The following PCDHGA5 variants were observed in gnomAD, a reference collection of about 807,000 sequenced individuals.
PCDHGA5 encodes protocadherin gamma subfamily A, 5, also known as protocadherin gamma-A5.
In PCDHGA5, 36 loss-of-function variants were observed where a neutral mutation model predicts 56.7. The ratio of observed to expected loss-of-function variants is 0.64; its 90% CI spans 0.49 to 0.84. The LOEUF is 0.84. Ranked by LOEUF, PCDHGA5 falls within the 40% of genes least tolerant of loss-of-function variation. PCDHGA5 has a pLI of 0.00. For synonymous variants in PCDHGA5, 563 were observed against 520.2 expected (o/e 1.08, Z -1.12); for missense variants, 1,305 against 1,201.5 (o/e 1.09, Z -1.27).
chr5:141,510,898 T>G (rs1393880610), intron 3 of PCDHGA5, 49 bp from the exon 4 acceptor site: 1 of 1,613,278 alleles, frequency 6.2e-7, no homozygotes, highest in East Asian at 2.2e-5. Context: ...ACAGTGACTG[T>G]TGAGGACCCT....
chr5:141,478,302 C>T lies in PCDHGA5; in HGVS notation c.2422-16505C>T. On this transcript the variant is annotated intron_variant, in intron 1 of 3. Transcript: ENST00000518069. ...AAGCAGTCTAGAGACCTATACCGAG[C>T]CCCGGTGAGCTCACTGTACCGAACA... 4 of 1,614,070 alleles carry T rather than the reference C, an allele frequency of 2.5e-6. No individual in the cohort carries two copies. Among genetic ancestry groups the T allele is most frequent in the Non-Finnish European group, 3.4e-6 (4 of 1,180,038 alleles).
At position 141,432,963 on chromosome 5, in the gene PCDHGA5, C is replaced by T. The variant is rs1382354299; in HGVS notation, c.2422-61844C>T. 1.5e-5 allele frequency: 24 copies of T among 1,614,046 alleles called. 1 individual carries two copies. In the South Asian group the frequency reaches 2.3e-4, roughly 16 times the overall value. On this transcript the variant is annotated intron_variant, in intron 1 of 3. Transcript: ENST00000518069. The surrounding 1 kb of genome is among the most constrained non-coding windows in gnomAD (Gnocchi z 6.0). ...GCTTCAGGAGGCGGCTTGACAGGAG[C>T]GCCGGCGTCGCACTTTGTGGGCGTG...
chr5:141,422,973 T>G (rs1157516415), intron 1 of PCDHGA5: 1 of 1,614,102 alleles, frequency 6.2e-7, no homozygotes, highest in Non-Finnish European at 8.5e-7. Flanking sequence ...CGCCCCGCTC[T>G]GCGGAACCTG....
At chr5:141,459,136 T>C (rs1044347522) in intron 1 of PCDHGA5, among the ~76,000 whole-genome samples, 2 of 152,224 alleles carry the variant, frequency 1.3e-5, no homozygotes, top group Non-Finnish European at 2.9e-5. Context: ...GTAACCACCA[T>C]GCAATCAAAA....
chr5:141,489,558 G>A lies in PCDHGA5; in HGVS notation c.2422-5249G>A. On this transcript the variant is annotated intron_variant, in intron 1 of 3. Coordinates refer to ENST00000518069, the MANE Select transcript of PCDHGA5 (RefSeq NM_018918.3). The surrounding 1 kb of genome is among the most constrained non-coding windows in gnomAD (Gnocchi z 4.5). ...CCAGCACCAGCTGCCTGCTGCCAGT[G>A]CAGGTGGTGACTGAACACCCCCTGG... 1 of 1,614,130 alleles carries A rather than the reference G, an allele frequency of 6.2e-7. No individual in the cohort carries two copies. Among genetic ancestry groups the A allele is most frequent in the Non-Finnish European group, 8.5e-7 (1 of 1,180,024 alleles).
intron 1 of PCDHGA5, chr5:141,370,690 A>C: frequency 1.2e-6 from 2 of 1,613,828 alleles, no homozygotes; most frequent in African/African-American, 2.7e-5. Flanking sequence ...TGTGGCAAGA[A>C]GTCGACGTGT....
rs1305419943 is a variant in PCDHGA5, at chr5:141,438,625, T to C, written c.2422-56182T>C. Among the ~76,000 whole-genome samples the C allele has an allele frequency of 9.7e-4, 45 of 46,410 alleles. 2 individuals are homozygous for C. Among genetic ancestry groups the C allele is most frequent in the Admixed American group, 2.2e-3 (7 of 3,192 alleles). The allele number at this position is 46,410 out of a possible 152,430, so 30.4% of individuals were successfully genotyped here. On this transcript the variant is annotated intron_variant, in intron 1 of 3. Coordinates refer to ENST00000518069, the MANE Select transcript of PCDHGA5 (RefSeq NM_018918.3). The stretch of plus-strand genomic sequence containing the variant: ...ATATATATATATATATATATATATA[T>C]ATATATATATACACACACACACACA...
intron 1 of PCDHGA5, chr5:141,408,935 G>C (rs773802276): frequency 6.2e-7 from 1 of 1,613,472 alleles, no homozygotes; most frequent in Non-Finnish European, 8.5e-7. Context: ...TTTCAGCAGA[G>C]ACGAATATAG....
intron 1 of PCDHGA5, chr5:141,394,248 C>T (rs937129072): frequency 9.3e-6 from 15 of 1,613,816 alleles, no homozygotes; most frequent in Admixed American, 6.7e-5. Flanking sequence ...TGCACACGAC[C>T]CCGACAGCCA....
Position 141,431,033 on chromosome 5 carries a change from C to G in PCDHGA5, c.2422-63774C>G, listed in dbSNP as rs1006751011. ...CTTGGTCACGGCGGGCAGGATAGAC[C>G]GGGAGGAGCTCTGTATGGGGGCCAT... On this transcript the variant is annotated intron_variant, in intron 1 of 3. Coordinates refer to ENST00000518069, the MANE Select transcript of PCDHGA5 (RefSeq NM_018918.3). This position sits in a 1 kb window ranked among gnomAD's most constrained non-coding sequence, Gnocchi z 4.8. 1.2e-6 allele frequency: 2 copies of G among 1,613,980 alleles called. No individual in the cohort carries two copies. Among genetic ancestry groups the G allele is most frequent in the Admixed American group, 3.3e-5 (2 of 60,024 alleles).
At chr5:141,505,202 T>C (rs778935321) in intron 2 of PCDHGA5, among the ~76,000 whole-genome samples, 191 bp from the exon 3 acceptor site, 3 of 152,012 alleles carry the variant, frequency 2.0e-5, no homozygotes, top group Non-Finnish European at 4.4e-5. Flanking sequence ...AAAGAGCTGG[T>C]TTGAGGGACT....
chr5:141,418,087 C>T (rs2096220274), intron 1 of PCDHGA5: 9 of 1,613,894 alleles, frequency 5.6e-6, no homozygotes, highest in Non-Finnish European at 7.6e-6. Flanking sequence ...TGCACTTCAG[C>T]GTAGACGCGC....
intron 1 of PCDHGA5, chr5:141,398,587 C>A (rs2093675414): frequency 6.2e-7 from 1 of 1,613,860 alleles, no homozygotes. Flanking sequence ...AAGATTTATA[C>A]TAGAAGTAGC....
At chr5:141,370,656 G>A (rs768093721) in intron 1 of PCDHGA5, 1 of 1,613,852 alleles carries the variant, frequency 6.2e-7, no homozygotes, top group Non-Finnish European at 8.5e-7. Context: ...ACTTGTGAGC[G>A]ACCGTATAGA....
In PCDHGA5 at chr5:141,432,571, G is replaced by C; in HGVS notation, c.2422-62236G>C. On this transcript the variant is annotated intron_variant, in intron 1 of 3. Transcript: ENST00000518069. The surrounding 1 kb of genome is among the most constrained non-coding windows in gnomAD (Gnocchi z 6.0). ...GAGACTCCGGCCAGAACGCCTGGCT[G>C]TCCTACCGTCTGCTCAAGGCCAGCG... The C allele has an allele frequency of 6.2e-7, 1 of 1,613,954 alleles. No individual in the cohort carries two copies. The highest frequency in any genetic ancestry group is 8.5e-7 in the Non-Finnish European group (1 of 1,179,992).
chr5:141,366,873 G>A (rs1764838091), intron 1 of PCDHGA5, 122 bp downstream of exon 1: 6 of 1,393,396 alleles, frequency 4.3e-6, no homozygotes, highest in Non-Finnish European at 5.8e-6. Flanking sequence ...CTGTATTGGA[G>A]ATTAATTTTT....
At chr5:141,446,339 G>A (rs1455819111) in intron 1 of PCDHGA5, among the ~76,000 whole-genome samples, 1 of 152,164 alleles carries the variant, frequency 6.6e-6, no homozygotes, top group Non-Finnish European at 1.5e-5. Flanking sequence ...GAACTGGATG[G>A]ACAAAGCTAC....
chr5:141,450,702 G>T (rs1466981422), intron 1 of PCDHGA5, among the ~76,000 whole-genome samples: 6 of 152,026 alleles, frequency 3.9e-5, no homozygotes, highest in South Asian at 2.1e-4. Flanking sequence ...GCCCAGGATG[G>T]TCTCCAACTC....
At chr5:141,408,473 G>A (rs2095117243) in intron 1 of PCDHGA5, 5 of 1,613,952 alleles carry the variant, frequency 3.1e-6, no homozygotes, top group African/African-American at 1.3e-5. Flanking sequence ...GAACCGAATA[G>A]ACCGTGAGCA....
Sources: gnomAD v4.1 joint callset for allele counts (sites outside exome capture counted in the v4.1 genomes callset) on GRCh38, gnomAD v4.1.1 for gene constraint, Gnocchi (gnomAD v3.1) non-coding constraint, MANE v1.5 for transcripts, NCBI Gene and HGNC (gene_info 2026-07-23, HGNC 2026-07-21) for gene names.